ATP13A5: variants seen among roughly 807,000 people sequenced by gnomAD.
ATP13A5 encodes the protein probable cation-transporting ATPase 13A5.
Under a neutral mutation model 150.2 loss-of-function variants are expected in ATP13A5, and 149 were observed. The observed-to-expected ratio is 0.99, with a 90% CI of 0.87 to 1.14. ATP13A5 has a LOEUF of 1.14. Among genes scored for constraint, ATP13A5 ranks in the 50% most tolerant of loss-of-function variants. The probability of loss-of-function intolerance (pLI) is 0.00; values close to 1 mark genes in which losing one functional copy is unlikely to be tolerated. For synonymous variants in ATP13A5, 497 were observed against 522.2 expected (o/e 0.95, Z 0.66); for missense variants, 1,383 against 1,449.3 (o/e 0.95, Z 0.74).
At chr3:193,337,286 G>T (rs1711916094) in intron 9 of ATP13A5, among the ~76,000 whole-genome samples, 1 of 152,072 alleles carries the variant, frequency 6.6e-6, no homozygotes, top group African/African-American at 2.4e-5. Flanking sequence ...CATTGCTTTT[G>T]GTGTTTTAGA....
At chr3:193,312,115 C>T (rs1718875577) in intron 19 of ATP13A5, among the ~76,000 whole-genome samples, 174 bp from the exon 20 acceptor site, 1 of 152,108 alleles carries the variant, frequency 6.6e-6, no homozygotes, top group Admixed American at 6.5e-5. Flanking sequence ...TCAAAACATT[C>T]CCCCCAAGAT....
At chr3:193,301,543 TG>T (rs1002742987) in intron 23 of ATP13A5, among the ~76,000 whole-genome samples, 1 of 152,212 alleles carries the variant, frequency 6.6e-6, no homozygotes, top group African/African-American at 2.4e-5. Context: ...ACCAGCATTA[TG>T]CTAAGAGTCA....
chr3:193,292,787 T>C (rs1405880959), intron 25 of ATP13A5, among the ~76,000 whole-genome samples: 3 of 152,086 alleles, frequency 2.0e-5, no homozygotes, highest in Non-Finnish European at 4.4e-5. Context: ...ATGGTATAAA[T>C]GCTGAGTTTT....
intron 25 of ATP13A5, among the ~76,000 whole-genome samples, chr3:193,295,015 G>A (rs1446103805): frequency 1.3e-5 from 2 of 152,078 alleles, no homozygotes. Flanking sequence ...CATCACTTTC[G>A]CACCATTGTA....
chr3:193,362,438 C>A lies in ATP13A5; in HGVS notation c.479G>T (p.Cys160Phe). ...TCCAAATGTCTGATGGATGTCAGAG[C>A]AGGAATTGCTGTCTTCTAGCAACCT... ...KVGLLEDSNS[C>F]SDIHQTFGLG... Residue 160 changes from cysteine (C) to phenylalanine (F), a missense_variant, in exon 5 of 30, where the codon TGC (cysteine) becomes TTC (phenylalanine). Coordinates refer to ENST00000342358, the MANE Select transcript of ATP13A5 (RefSeq NM_198505.4). The A allele has an allele frequency of 6.2e-7, 1 of 1,614,104 alleles. No homozygotes were observed. Among genetic ancestry groups the A allele is most frequent in the Non-Finnish European group, 8.5e-7 (1 of 1,179,986 alleles).
intron 17 of ATP13A5, among the ~76,000 whole-genome samples, chr3:193,316,000 C>T (rs1298026845): frequency 6.6e-6 from 1 of 152,100 alleles, no homozygotes; most frequent in East Asian, 1.9e-4. Context: ...CTAGTCTCTA[C>T]TCTCTACTTC....
chr3:193,297,194 CAG>C (rs746724422), intron 25 of ATP13A5, among the ~76,000 whole-genome samples: 2 of 151,988 alleles, frequency 1.3e-5, no homozygotes, highest in African/African-American at 4.8e-5. Flanking sequence ...TCCCCAGAAA[CAG>C]GGGTGGAGAG....
At position 193,318,983 on chromosome 3, in the gene ATP13A5, T is replaced by A. The variant is rs1719155639; in HGVS notation, c.2033+8A>T. The A allele has an allele frequency of 6.2e-7, 1 of 1,605,134 alleles. No individual in the cohort carries two copies. Among genetic ancestry groups the A allele is most frequent in the East Asian group, 2.2e-5 (1 of 44,790 alleles). On this transcript the variant is annotated splice_region_variant and intron_variant, in intron 17 of 29. Coordinates refer to ENST00000342358, the MANE Select transcript of ATP13A5 (RefSeq NM_198505.4). ...GCCTGCTCTAGTGCCAATTTCTGAA[T>A]TGCTTACCTGGCTAAGTGCTCGACT...
chr3:193,373,326 T>C (rs1372905415), intron 1 of ATP13A5, among the ~76,000 whole-genome samples: 2 of 152,054 alleles, frequency 1.3e-5, no homozygotes, highest in African/African-American at 4.8e-5. Flanking sequence ...TTATTTTTAG[T>C]AGAGATGGGA....
At chr3:193,340,432 C>T (rs181820255) in intron 9 of ATP13A5, among the ~76,000 whole-genome samples, 37 of 152,114 alleles carry the variant, frequency 2.4e-4, no homozygotes, top group African/African-American at 2.7e-4. Context: ...AAAGAGAGGA[C>T]GAAAGGATCA....
chr3:193,363,598 CAG>C (rs1713125236), intron 2 of ATP13A5, among the ~76,000 whole-genome samples: 1 of 152,126 alleles, frequency 6.6e-6, no homozygotes, highest in Non-Finnish European at 1.5e-5. Flanking sequence ...ATGAGCCCTC[CAG>C]ATGATTCTGA....
At chr3:193,365,786 T>C (rs1713217714) in intron 1 of ATP13A5, among the ~76,000 whole-genome samples, 1 of 152,090 alleles carries the variant, frequency 6.6e-6, no homozygotes, top group Non-Finnish European at 1.5e-5. Context: ...ATGAAAATCA[T>C]AATTCTGGTA....
At chr3:193,303,327 C>CAA (rs1718477667) in intron 23 of ATP13A5, among the ~76,000 whole-genome samples, 1 of 152,134 alleles carries the variant, frequency 6.6e-6, no homozygotes, top group Non-Finnish European at 1.5e-5. Flanking sequence ...TGAAAGCTTC[C>CAA]CTCCTGGCTT....
chr3:193,280,987 C>T (rs1717468000), intron 27 of ATP13A5, among the ~76,000 whole-genome samples: 1 of 152,140 alleles, frequency 6.6e-6, no homozygotes, highest in African/African-American at 2.4e-5. Flanking sequence ...TGTTTTCATC[C>T]TTGAGCACCT....
At chr3:193,340,951 T>C (rs1318440129) in intron 9 of ATP13A5, among the ~76,000 whole-genome samples, 2 of 152,178 alleles carry the variant, frequency 1.3e-5, no homozygotes, top group African/African-American at 4.8e-5. Flanking sequence ...AATGAGTGAA[T>C]TCACAAACAA....
chr3:193,341,849 G>C lies in ATP13A5; in HGVS notation c.943+2078C>G, dbSNP rs553100176. Among the ~76,000 whole-genome samples, 49 of 152,320 alleles carry C rather than the reference G, an allele frequency of 3.2e-4. 1 individual carries two copies. In the South Asian group the frequency reaches 8.3e-3, roughly 26 times the overall value. On this transcript the variant is annotated intron_variant, in intron 9 of 29. Transcript: ENST00000342358. The stretch of plus-strand genomic sequence containing the variant: ...TTTATGACAATAGCATAAGGCTAAG[G>C]AGAGCAGGAGGAGAAGAGCTTACCA...
chr3:193,298,600 T>G (rs1318710496), intron 25 of ATP13A5, among the ~76,000 whole-genome samples: 1 of 152,172 alleles, frequency 6.6e-6, no homozygotes, highest in Non-Finnish European at 1.5e-5. Context: ...TATCACTTAT[T>G]AAGAGTCAGC....
chr3:193,346,345 T>C (rs768914121), intron 7 of ATP13A5, among the ~76,000 whole-genome samples: 17 of 152,066 alleles, frequency 1.1e-4, no homozygotes, highest in Non-Finnish European at 1.3e-4. Flanking sequence ...CCTGGAGAAG[T>C]GGAGAAAGCA....
At chr3:193,344,660 T>G (rs894267587) in intron 8 of ATP13A5, among the ~76,000 whole-genome samples, 1 of 152,150 alleles carries the variant, frequency 6.6e-6, no homozygotes, top group Non-Finnish European at 1.5e-5. Flanking sequence ...CCAATGTTAT[T>G]CGAATGAGTG....
Sources: gnomAD v4.1 joint callset for allele counts (sites outside exome capture counted in the v4.1 genomes callset) on GRCh38, gnomAD v4.1.1 for gene constraint, MANE v1.5 for transcripts, NCBI Gene and HGNC (gene_info 2026-07-23, HGNC 2026-07-21) for gene names.